The following OR52B2 variants were observed in gnomAD, a reference collection of about 807,000 sequenced individuals.
The protein encoded by OR52B2 is olfactory receptor family 52 subfamily B member 2, also known as olfactory receptor 52B2.
Under a neutral mutation model 12.8 loss-of-function variants are expected in OR52B2, and 16 were observed. That is an observed-to-expected ratio of 1.25 (90% CI 0.85 to 1.90). The LOEUF (loss-of-function observed/expected upper bound fraction) is 1.90. OR52B2 is among the 40% of genes most tolerant of loss of function. OR52B2 has a pLI of 0.00. For missense variants in OR52B2, 465 were observed against 407.8 expected (o/e 1.14, Z -1.21); for synonymous variants, 169 against 152.2 (o/e 1.11, Z -0.81).
In OR52B2 at chr11:6,169,583, A is replaced by C; in HGVS notation, c.744T>G (p.Cys248Trp). ...KALSTCGSHL[C>W]VILMFYVPSF... ...ATGGAACATAAAACATAAGGATGAC[A>C]CAGAGGTGGGAGCCACAAGTGCTGA... The change falls in exon 1 of 1, where the codon TGT (cysteine) becomes TGG (tryptophan). Residue 248 changes from cysteine (C) to tryptophan (W), a missense_variant. Coordinates refer to ENST00000530810, the MANE Select transcript of OR52B2 (RefSeq NM_001004052.1). 6.2e-7 allele frequency: 1 copy of C among 1,613,910 alleles called. No individual in the cohort carries two copies.
In OR52B2 at chr11:6,169,634, G is replaced by C. The variant is rs1037732477; in HGVS notation, c.693C>G (p.Pro231=). ...GGGCCTTGTGCCGAGCATCCTGGGA[G>C]GGCAAACGAAACACTGCTCGGAGGA... ...SLILRAVFRL[P]SQDARHKALS... Residue 231 remains proline, a synonymous_variant, in exon 1 of 1, where the codon CCC becomes CCG. Coordinates refer to ENST00000530810, the MANE Select transcript of OR52B2 (RefSeq NM_001004052.1). 6.2e-7 allele frequency: 1 copy of C among 1,613,832 alleles called. No individual in the cohort carries two copies. Among genetic ancestry groups the C allele is most frequent in the Non-Finnish European group, 8.5e-7 (1 of 1,179,882 alleles).
Position 6,169,364 on chromosome 11 carries a change from C to T in OR52B2, c.963G>A (p.Leu321=). ...DIKTWCCTSP[L]GS ...AGCTGGACATGAAGATTCATGAGCCCAGAGGGGAGGTACAGCACCAAGTCT... is the reference window on the plus strand; with the variant it reads ...AGCTGGACATGAAGATTCATGAGCCTAGAGGGGAGGTACAGCACCAAGTCT... Residue 321 remains leucine, a synonymous_variant, in exon 1 of 1, where the codon CTG becomes CTA. Coordinates refer to ENST00000530810, the MANE Select transcript of OR52B2 (RefSeq NM_001004052.1). 6.2e-7 allele frequency: 1 copy of T among 1,611,756 alleles called. No individual in the cohort carries two copies. The highest frequency in any genetic ancestry group is 8.5e-7 in the Non-Finnish European group (1 of 1,178,372).
chr11:6,169,525 G>A lies in OR52B2; in HGVS notation c.802C>T (p.Arg268Cys), dbSNP rs771301186. ...FFTLLTHHFG[R>C]NIPQHVHILL... ...ATATGGACATGTTGAGGAATATTAC[G>A]CCCAAAATGATGGGTCAATAAGGTA... The change falls in exon 1 of 1, where the codon CGT becomes TGT. Residue 268 changes from arginine (R) to cysteine (C), a missense_variant. Transcript: ENST00000530810. The A allele has an allele frequency of 1.7e-5, 27 of 1,613,608 alleles. No individual in the cohort carries two copies. The highest frequency in any genetic ancestry group is 8.3e-5 in the Admixed American group (5 of 59,958).
chr11:6,169,474 C>G lies in OR52B2; in HGVS notation c.853G>C (p.Val285Leu), dbSNP rs1482184629. ...ACAATGGGGTTCAGCATTGGTGGCA[C>G]TGCCACATAAAGATTGGCCAGCAAG... ...HILLANLYVA[V>L]PPMLNPIVYG... Residue 285 changes from valine to leucine, a missense_variant, in exon 1 of 1, where the codon GTG becomes CTG. By Grantham distance (32) the Val-to-Leu change is conservative (BLOSUM62 1). Coordinates refer to ENST00000530810, the MANE Select transcript of OR52B2 (RefSeq NM_001004052.1). 1 of 1,613,748 alleles carries G rather than the reference C, an allele frequency of 6.2e-7. No homozygotes were observed. The highest frequency in any genetic ancestry group is 8.5e-7 in the Non-Finnish European group (1 of 1,179,864).
chr11:6,169,629 T>C lies in OR52B2; in HGVS notation c.698A>G (p.Gln233Arg), dbSNP rs1846642597. Residue 233 changes from glutamine (Q) to arginine (R), a missense_variant, in exon 1 of 1, where the codon CAG (glutamine) becomes CGG (arginine). Coordinates refer to ENST00000530810, the MANE Select transcript of OR52B2 (RefSeq NM_001004052.1). ...GCTGAGGGCCTTGTGCCGAGCATCC[T>C]GGGAGGGCAAACGAAACACTGCTCG... Reference protein sequence around the residue: ...ILRAVFRLPSQDARHKALSTC... With the variant: ...ILRAVFRLPSRDARHKALSTC... 6.2e-7 allele frequency: 1 copy of C among 1,613,686 alleles called. No homozygotes were observed. The highest frequency in any genetic ancestry group is 8.5e-7 in the Non-Finnish European group (1 of 1,179,872).
Position 6,169,900 on chromosome 11 carries a change from C to T in OR52B2, c.427G>A (p.Val143Met), listed in dbSNP as rs767762464. ...RYTTVLTWPV[V>M]GRIALAVITR... The stretch of plus-strand genomic sequence containing the variant: ...ATGACGGCCAGAGCAATCCTCCCCA[C>T]AACAGGCCATGTTAGCACTGTTGTA... Residue 143 changes from valine (V) to methionine (M), a missense_variant, in exon 1 of 1, where the codon GTG becomes ATG. By Grantham distance (21) the Val-to-Met change is conservative. Transcript: ENST00000530810. 15 of 1,613,664 alleles carry T rather than the reference C, an allele frequency of 9.3e-6. No homozygotes were observed. The South Asian group carries it at 9.9e-5, about 11-fold the overall frequency.
chr11:6,169,827 C>G lies in OR52B2; in HGVS notation c.500G>C (p.Arg167Pro). 6.2e-7 allele frequency: 1 copy of G among 1,613,708 alleles called. No homozygotes were observed. The highest frequency in any genetic ancestry group is 8.5e-7 in the Non-Finnish European group (1 of 1,179,842). ...AATGTTGGTTAGGCAGAAGGGCAGC[C>G]GCTTCAGCAAGAATATGACTGGGAA... is the stretch of plus-strand genomic sequence containing the variant. Reference protein sequence around the residue: ...IIFPVIFLLKRLPFCLTNIVP... With the variant: ...IIFPVIFLLKPLPFCLTNIVP... Residue 167 changes from arginine (R) to proline (P), a missense_variant, in exon 1 of 1, where the codon CGG (arginine) becomes CCG (proline). By Grantham distance (103) the Arg-to-Pro change is moderately radical (BLOSUM62 -2). Coordinates refer to ENST00000530810, the MANE Select transcript of OR52B2 (RefSeq NM_001004052.1).
chr11:6,169,904 A>G lies in OR52B2; in HGVS notation c.423T>C (p.Pro141=). The G allele has an allele frequency of 1.2e-6, 2 of 1,613,798 alleles. No homozygotes were observed. Among genetic ancestry groups the G allele is most frequent in the South Asian group, 1.1e-5 (1 of 91,078 alleles). Reference sequence around the variant, plus strand: ...CGGCCAGAGCAATCCTCCCCACAACAGGCCATGTTAGCACTGTTGTATATC... The same window carrying G: ...CGGCCAGAGCAATCCTCCCCACAACGGGCCATGTTAGCACTGTTGTATATC... ...PLRYTTVLTW[P]VVGRIALAVI... is the part of the protein sequence containing the mutation. The change falls in exon 1 of 1, where the codon CCT becomes CCC. Residue 141 remains proline, a synonymous_variant. Coordinates refer to ENST00000530810, the MANE Select transcript of OR52B2 (RefSeq NM_001004052.1).
Position 6,169,862 on chromosome 11 carries a change from G to A in OR52B2, c.465C>T (p.Phe155=), listed in dbSNP as rs1420965004. Residue 155 remains phenylalanine, a synonymous_variant, in exon 1 of 1, where the codon TTC becomes TTT. Coordinates refer to ENST00000530810, the MANE Select transcript of OR52B2 (RefSeq NM_001004052.1). Reference sequence around the variant, plus strand: ...AGAATATGACTGGGAAGATGATGCAGAAGCTTCGGGTGATGACGGCCAGAG... The same window carrying A: ...AGAATATGACTGGGAAGATGATGCAAAAGCTTCGGGTGATGACGGCCAGAG... ...RIALAVITRS[F]CIIFPVIFLL... 4 of 1,613,724 alleles carry A rather than the reference G, an allele frequency of 2.5e-6. No homozygotes were observed. Among genetic ancestry groups the A allele is most frequent in the Non-Finnish European group, 3.4e-6 (4 of 1,179,888 alleles).
In OR52B2 at chr11:6,170,063, C is replaced by A. The variant is rs1459577851; in HGVS notation, c.264G>T (p.Trp88Cys). ...TTVPKALAIF[W>C]LQAHNIAFDA... ...CAAAAGCAATGTTATGTGCTTGAAG[C>A]CAAAAGATGGCTAGGGCCTTGGGCA... The change falls in exon 1 of 1, where the codon TGG (tryptophan) becomes TGT (cysteine). Residue 88 changes from tryptophan (W) to cysteine (C), a missense_variant. By Grantham distance (215) the Trp-to-Cys change is radical. Transcript: ENST00000530810. 2 of 1,613,776 alleles carry A rather than the reference C, an allele frequency of 1.2e-6. No individual in the cohort carries two copies. Among genetic ancestry groups the A allele is most frequent in the South Asian group, 1.1e-5 (1 of 91,078 alleles).
In OR52B2 at chr11:6,169,888, C is replaced by A. The variant is rs978169843; in HGVS notation, c.439G>T (p.Ala147Ser). The A allele has an allele frequency of 1.2e-6, 2 of 1,613,748 alleles. No individual in the cohort carries two copies. Among genetic ancestry groups the A allele is most frequent in the Admixed American group, 3.3e-5 (2 of 59,966 alleles). ...AAGCTTCGGGTGATGACGGCCAGAGCAATCCTCCCCACAACAGGCCATGTT... is the reference window on the plus strand; with the variant it reads ...AAGCTTCGGGTGATGACGGCCAGAGAAATCCTCCCCACAACAGGCCATGTT... ...VLTWPVVGRI[A>S]LAVITRSFCI... The change falls in exon 1 of 1, where the codon GCT becomes TCT. Residue 147 changes from alanine (A) to serine (S), a missense_variant. Coordinates refer to ENST00000530810, the MANE Select transcript of OR52B2 (RefSeq NM_001004052.1).
rs370810835 is a variant in OR52B2 at position 6,170,120 on chromosome 11, G to A, written c.207C>T (p.Ala69=). Residue 69 remains alanine, a synonymous_variant, in exon 1 of 1, where the codon GCC becomes GCT. Coordinates refer to ENST00000530810, the MANE Select transcript of OR52B2 (RefSeq NM_001004052.1). ...VPMYFFLSML[A]VMDILLSTTT... is the part of the protein sequence containing the mutation. The stretch of plus-strand genomic sequence containing the variant: ...TGGTAGACAGCAGGATGTCCATGAC[G>A]GCCAGCATTGAGAGGAAGAAATACA... 141 of 1,613,678 alleles carry A rather than the reference G, an allele frequency of 8.7e-5. No individual in the cohort carries two copies. The highest frequency in any genetic ancestry group is 1.0e-4 in the Non-Finnish European group (123 of 1,179,896).
At position 6,169,633 on chromosome 11, in the gene OR52B2, A is replaced by C. The variant is rs377074219; in HGVS notation, c.694T>G (p.Ser232Ala). Residue 232 changes from serine (S) to alanine (A), a missense_variant, in exon 1 of 1, where the codon TCC becomes GCC. Coordinates refer to ENST00000530810, the MANE Select transcript of OR52B2 (RefSeq NM_001004052.1). The part of the protein sequence containing the change: ...LILRAVFRLP[S>A]QDARHKALST... ...AGGGCCTTGTGCCGAGCATCCTGGG[A>C]GGGCAAACGAAACACTGCTCGGAGG... The C allele has an allele frequency of 2.5e-6, 4 of 1,613,860 alleles. No individual in the cohort carries two copies. In the South Asian group the frequency reaches 4.4e-5, roughly 18 times the overall value.
In OR52B2 at chr11:6,169,610, G is replaced by A. The variant is rs757519505; in HGVS notation, c.717C>T (p.Ala239=). 1 of 1,613,844 alleles carries A rather than the reference G, an allele frequency of 6.2e-7. No individual in the cohort carries two copies. Among genetic ancestry groups the A allele is most frequent in the Non-Finnish European group, 8.5e-7 (1 of 1,179,874 alleles). ...RLPSQDARHK[A]LSTCGSHLCV... ...AGAGGTGGGAGCCACAAGTGCTGAG[G>A]GCCTTGTGCCGAGCATCCTGGGAGG... Residue 239 remains alanine (A), a synonymous_variant, in exon 1 of 1, where the codon GCC becomes GCT. Coordinates refer to ENST00000530810, the MANE Select transcript of OR52B2 (RefSeq NM_001004052.1).
At position 6,169,687 on chromosome 11, in the gene OR52B2, T is replaced by A. The variant is rs781599150; in HGVS notation, c.640A>T (p.Ile214Phe). Residue 214 changes from isoleucine to phenylalanine, a missense_variant, in exon 1 of 1, where the codon ATC becomes TTC. Coordinates refer to ENST00000530810, the MANE Select transcript of OR52B2 (RefSeq NM_001004052.1). The stretch of plus-strand genomic sequence containing the variant: ...AGTGAGTAAGACACAGCGATGAGGA[T>A]AACATCCAAGATGACCATGACAATG... ...VPIVMVILDV[I>F]LIAVSYSLIL... The A allele has an allele frequency of 5.0e-6, 8 of 1,613,462 alleles. No individual in the cohort carries two copies. In the African/African-American group the frequency reaches 1.1e-4, roughly 22 times the overall value.
Position 6,169,892 on chromosome 11 carries a change from C to G in OR52B2, c.435G>C (p.Arg145Ser). The G allele has an allele frequency of 6.2e-7, 1 of 1,613,698 alleles. No homozygotes were observed. Among genetic ancestry groups the G allele is most frequent in the Non-Finnish European group, 8.5e-7 (1 of 1,179,872 alleles). ...TTCGGGTGATGACGGCCAGAGCAAT[C>G]CTCCCCACAACAGGCCATGTTAGCA... ...TTVLTWPVVGRIALAVITRSF... is the reference protein window; with the variant it reads ...TTVLTWPVVGSIALAVITRSF... Residue 145 changes from arginine to serine, a missense_variant, in exon 1 of 1, where the codon AGG (arginine) becomes AGC (serine). Transcript: ENST00000530810.
chr11:6,170,229 A>G lies in OR52B2; in HGVS notation c.98T>C (p.Leu33Pro). 1 of 1,613,648 alleles carries G rather than the reference A, an allele frequency of 6.2e-7. No individual in the cohort carries two copies. The highest frequency in any genetic ancestry group is 8.5e-7 in the Non-Finnish European group (1 of 1,179,846). ...EAYHIWLSIP[L>P]CLIYITAVLG... ...GACTGCAGTGATGTAAATGAGGCAAAGAGGTATTGACAGCCAAATGTGATA... is the reference window on the plus strand; with the variant it reads ...GACTGCAGTGATGTAAATGAGGCAAGGAGGTATTGACAGCCAAATGTGATA... The change falls in exon 1 of 1, where the codon CTT (leucine) becomes CCT (proline). Residue 33 changes from leucine to proline, a missense_variant. Transcript: ENST00000530810.
In OR52B2 at chr11:6,169,548, G is replaced by T; in HGVS notation, c.779C>A (p.Thr260Asn). 1.2e-6 allele frequency: 2 copies of T among 1,613,824 alleles called. No individual in the cohort carries two copies. Among genetic ancestry groups the T allele is most frequent in the Non-Finnish European group, 8.5e-7 (1 of 1,179,858 alleles). The change falls in exon 1 of 1, where the codon ACC becomes AAC. Residue 260 changes from threonine to asparagine, a missense_variant. Transcript: ENST00000530810. ...ACGCCCAAAATGATGGGTCAATAAG[G>T]TAAAGAAGGATGGAACATAAAACAT... ...ILMFYVPSFF[T>N]LLTHHFGRNI...
At position 6,169,777 on chromosome 11, in the gene OR52B2, T is replaced by A. The variant is rs1386970985; in HGVS notation, c.550A>T (p.Ile184Phe). 1 of 1,613,626 alleles carries A rather than the reference T, an allele frequency of 6.2e-7. No homozygotes were observed. The highest frequency in any genetic ancestry group is 8.5e-7 in the Non-Finnish European group (1 of 1,179,764). ...GCACAGGCTAAACGAGCCACTCCAA[T>A]ATGCTCACAGTAGGAGTGAGGAACA... ...NIVPHSYCEHIGVARLACADI... is the reference protein window; with the variant it reads ...NIVPHSYCEHFGVARLACADI... Residue 184 changes from isoleucine (I) to phenylalanine (F), a missense_variant, in exon 1 of 1, where the codon ATT (isoleucine) becomes TTT (phenylalanine). Ile to Phe is a conservative substitution (Grantham distance 21). Transcript: ENST00000530810.
Sources: allele counts gnomAD v4.1 joint callset, GRCh38; gene constraint gnomAD v4.1.1; transcripts MANE v1.5; gene names NCBI Gene and HGNC (gene_info 2026-07-23, HGNC 2026-07-21).